Variants in PCDH20 observed in about 807,000 individuals in gnomAD.
The protein encoded by PCDH20 is protocadherin 20.
PCDH20 carries 18 observed loss-of-function variants against 39.7 expected under a neutral mutation model. The observed-to-expected ratio is 0.45, with a 90% CI of 0.31 to 0.67. The LOEUF (loss-of-function observed/expected upper bound fraction) is 0.67, where lower values mean the gene tolerates loss of function less well. Ranked by LOEUF, PCDH20 falls within the 30% of genes least tolerant of loss-of-function variation. The probability of loss-of-function intolerance (pLI) is 0.05; values close to 1 mark genes in which losing one functional copy is unlikely to be tolerated. For missense variants in PCDH20, 1,161 were observed against 1,167.4 expected (o/e 0.99, Z 0.08); for synonymous variants, 495 against 455.4 (o/e 1.09, Z -1.11).
exon 2 of PCDH20, chr13:61,413,069 C>T: frequency 6.2e-7 from 1 of 1,614,162 alleles, no homozygotes; most frequent in South Asian, 1.1e-5. Flanking sequence ...TTATCCACAG[C>T]CTGGACAGCT....
At chr13:61,412,518 A>G (rs1878268114) in exon 2 of PCDH20, 8 of 1,614,068 alleles carry the variant, frequency 5.0e-6, no homozygotes, top group Non-Finnish European at 6.8e-6. Context: ...TATCATTGTC[A>G]TCTAAAAGTT....
Position 61,412,509 on chromosome 13 carries a change from A to G in PCDH20, c.1590T>C (p.Asp530=), listed in dbSNP as rs776388243. The G allele has an allele frequency of 2.5e-6, 4 of 1,614,212 alleles. No individual in the cohort carries two copies. The Admixed American group carries it at 5.0e-5, about 20-fold the overall frequency. ...AGGGTTGAAGGAAAATTGGAGCATT[A>G]TCATTGTCATCTAAAAGTTGCACTT... The change falls in exon 2 of 2, where the codon GAT becomes GAC. Residue 530 remains aspartate (D), a synonymous_variant. Coordinates refer to ENST00000409204, the Ensembl canonical transcript of PCDH20.
exon 2 of PCDH20, chr13:61,412,197 G>T: frequency 6.2e-7 from 1 of 1,614,142 alleles, no homozygotes; most frequent in Non-Finnish European, 8.5e-7. Flanking sequence ...GAGGACTGTT[G>T]TCATTTTTAT....
chr13:61,414,743 C>G (rs1336506957), intron 1 of PCDH20, among the ~76,000 whole-genome samples: 2 of 152,150 alleles, frequency 1.3e-5, no homozygotes, highest in African/African-American at 2.4e-5. Context: ...CAGCAGGAAA[C>G]GATCCCGAAC....
At chr13:61,412,943 T>A (rs1871433311) in exon 2 of PCDH20, 2 of 1,614,142 alleles carry the variant, frequency 1.2e-6, no homozygotes, top group African/African-American at 2.7e-5. Flanking sequence ...CTTCCTCCAA[T>A]CTTACTGAAA....
chr13:61,414,486 A>G (rs1429189319), intron 1 of PCDH20, among the ~76,000 whole-genome samples: 1 of 152,070 alleles, frequency 6.6e-6, no homozygotes, highest in Non-Finnish European at 1.5e-5. Context: ...CACAATCGCA[A>G]TAATAATAAT....
At chr13:61,412,043 C>T in exon 2 of PCDH20, 1 of 1,614,136 alleles carries the variant, frequency 6.2e-7, no homozygotes, top group Non-Finnish European at 8.5e-7. Flanking sequence ...GTATCTATGA[C>T]AAAAATATCA....
chr13:61,411,507 A>T lies in PCDH20; in HGVS notation c.2592T>A (p.Asn864Lys), dbSNP rs1264740462. ...AGATTTGTGGTTCTTTCTCCTCTAT[A>T]TTAATCTCTGGTTCTTTTCTTAAAA... The change falls in exon 2 of 2, where the codon AAT becomes AAA. Residue 864 changes from asparagine to lysine, a missense_variant. By Grantham distance (94) the Asn-to-Lys change is moderately conservative. Transcript: ENST00000409204. 5 of 1,614,092 alleles carry T rather than the reference A, an allele frequency of 3.1e-6. No individual in the cohort carries two copies. The South Asian group carries it at 5.5e-5, about 18-fold the overall frequency.
At chr13:61,413,547 G>A in exon 2 of PCDH20, 2 of 1,614,112 alleles carry the variant, frequency 1.2e-6, no homozygotes, top group Non-Finnish European at 1.7e-6. Flanking sequence ...CCTGAGGCAG[G>A]ACAAGCACAT....
chr13:61,413,025 A>G, exon 2 of PCDH20: 2 of 1,614,156 alleles, frequency 1.2e-6, no homozygotes, highest in Non-Finnish European at 1.7e-6. Flanking sequence ...TCTGACTGTA[A>G]GAATAAGTAA....
At position 61,412,043 on chromosome 13, in the gene PCDH20, C is replaced by CA; in HGVS notation, c.2055dup (p.Val686CysfsTer12). Reference sequence around the variant, plus strand: ...AGCATACCCTTTCCTGTATCTATGACAAAAATATCACTCTGGTTCACCACA... The same window carrying CA: ...AGCATACCCTTTCCTGTATCTATGACAAAAAATATCACTCTGGTTCACCACA... On this transcript the variant is annotated frameshift_variant, in exon 2 of 2. Coordinates refer to ENST00000409204, the Ensembl canonical transcript of PCDH20. LOFTEE classifies it low-confidence loss of function (END_TRUNC). 1 of 1,614,136 alleles carries CA rather than the reference C, an allele frequency of 6.2e-7. No individual in the cohort carries two copies. The highest frequency in any genetic ancestry group is 8.5e-7 in the Non-Finnish European group (1 of 1,180,018).
chr13:61,415,292 A>C, exon 1 of PCDH20: 1 of 1,117,622 alleles, frequency 8.9e-7, no homozygotes, highest in Non-Finnish European at 1.2e-6. Flanking sequence ...GAACTCAAAG[A>C]GTGGCAGAAA....
At chr13:61,412,259 A>T (rs1878261834) in exon 2 of PCDH20, 2 of 1,614,174 alleles carry the variant, frequency 1.2e-6, no homozygotes, top group Non-Finnish European at 1.7e-6. Flanking sequence ...GGCTTCCCAC[A>T]GTCAACAGCT....
exon 2 of PCDH20, chr13:61,411,794 C>G: frequency 6.2e-7 from 1 of 1,614,196 alleles, no homozygotes; most frequent in Non-Finnish European, 8.5e-7. Flanking sequence ...TTGTCGACAG[C>G]ATAGACTTCT....
chr13:61,413,685 C>T (rs937556981), exon 2 of PCDH20: 40 of 1,613,932 alleles, frequency 2.5e-5, no homozygotes, highest in Non-Finnish European at 3.2e-5. Flanking sequence ...TGTGCAGCTC[C>T]CCAGAGCGGT....
exon 2 of PCDH20, chr13:61,409,704 TTTAA>T (rs1156997322): frequency 2.6e-5 from 4 of 152,044 alleles, no homozygotes; most frequent in Non-Finnish European, 5.9e-5. Flanking sequence ...TTACCCAATG[TTTAA>T]TTGAGTAATG....
chr13:61,411,278 G>C, exon 2 of PCDH20: 1 of 1,613,332 alleles, frequency 6.2e-7, no homozygotes, highest in South Asian at 1.1e-5. Context: ...TTTCTCTCTC[G>C]CATATGCAAG....
At chr13:61,413,667 A>G (rs376876994) in exon 2 of PCDH20, 11 of 1,613,994 alleles carry the variant, frequency 6.8e-6, no homozygotes, top group Non-Finnish European at 9.3e-6. Flanking sequence ...CGATCTCCTG[A>G]GCTGAAGTGT....
At chr13:61,414,109 A>C in intron 1 of PCDH20, 143 bp from the exon 2 acceptor site, 1 of 747,894 alleles carries the variant, frequency 1.3e-6, no homozygotes, top group Non-Finnish European at 2.1e-6. Flanking sequence ...GGCGGAGAAG[A>C]ACCCTGCTGC....
Sources: allele counts gnomAD v4.1 joint callset (sites outside exome capture counted in the v4.1 genomes callset), GRCh38; gene constraint gnomAD v4.1.1; transcripts MANE v1.5; gene names NCBI Gene and HGNC (gene_info 2026-07-23, HGNC 2026-07-21).